Variants in DNAH17 observed in about 807,000 individuals in gnomAD.
DNAH17 encodes the protein axonemal beta dynein heavy chain 17.
Under a neutral mutation model 485.6 loss-of-function variants are expected in DNAH17, and 376 were observed. The observed-to-expected ratio is 0.77, with a 90% CI of 0.71 to 0.84. DNAH17 has a LOEUF of 0.84. Among genes scored for constraint, DNAH17 ranks in the 40% least tolerant of loss-of-function variants. DNAH17 has a pLI of 0.00. For synonymous variants in DNAH17, 3,031 were observed against 2,405.9 expected (o/e 1.26, Z -7.60); for missense variants, 6,370 against 5,839.3 (o/e 1.09, Z -2.96).
At chr17:78,544,035 G>C (rs780302484) in intron 16 of DNAH17, 38 bp from the exon 17 acceptor site, 2 of 1,612,858 alleles carry the variant, frequency 1.2e-6, no homozygotes, top group South Asian at 2.2e-5. Flanking sequence ...AGGTGTTCTG[G>C]AGAAACTGCT....
chr17:78,506,336 G>A (rs987899062), intron 30 of DNAH17, among the ~76,000 whole-genome samples: 3 of 151,852 alleles, frequency 2.0e-5, no homozygotes, highest in Non-Finnish European at 4.4e-5. Flanking sequence ...GCCCCAAGGA[G>A]GCACCTGTTC....
chr17:78,567,076 G>C lies in DNAH17; in HGVS notation c.1375C>G (p.Arg459Gly), dbSNP rs113434890. Residue 459 changes from arginine (R) to glycine (G), a missense_variant, in exon 10 of 81, where the codon CGT becomes GGT. Coordinates refer to ENST00000389840, the MANE Select transcript of DNAH17 (RefSeq NM_173628.4). ...AGCTCAAAGACCTCATCATAGATAC[G>C]GGTCACCAGGCTCCCGAGGAGGTTC... is the stretch of plus-strand genomic sequence containing the variant. ...RGNLLGSLVT[R>G]IYDEVFELVK... is the part of the protein sequence containing the mutation. The C allele has an allele frequency of 1.9e-6, 3 of 1,613,370 alleles. No individual in the cohort carries two copies. Among genetic ancestry groups the C allele is most frequent in the African/African-American group, 1.3e-5 (1 of 74,884 alleles).
chr17:78,510,725 A>C, intron 26 of DNAH17: 3 of 539,184 alleles, frequency 5.6e-6, no homozygotes, highest in Non-Finnish European at 9.7e-6. Flanking sequence ...TAAGAGCAGA[A>C]CGCACCTGCA....
chr17:78,448,925 T>C (rs1265962073), intron 69 of DNAH17, among the ~76,000 whole-genome samples: 2 of 152,230 alleles, frequency 1.3e-5, no homozygotes. Flanking sequence ...TACTCAGCCT[T>C]GGGTATTCTG....
intron 24 of DNAH17, among the ~76,000 whole-genome samples, chr17:78,525,703 G>A (rs916895052): frequency 3.3e-5 from 5 of 152,224 alleles, no homozygotes; most frequent in Non-Finnish European, 5.9e-5. Flanking sequence ...GGGACTGCCT[G>A]CTCTGGTCAC....
Position 78,426,553 on chromosome 17 carries a change from G to C in DNAH17, c.12819C>G (p.Leu4273=). Residue 4273 remains leucine, a synonymous_variant, in exon 79 of 81, where the codon CTC becomes CTG. Transcript: ENST00000389840. Reference sequence around the variant, plus strand: ...ACGTATCAGGCACGGTGTCATAGAAGAGAGCCGTGGACAGATCTTCCACGT... The same window carrying C: ...ACGTATCAGGCACGGTGTCATAGAACAGAGCCGTGGACAGATCTTCCACGT... ...TTDVEDLSTA[L]FYDTVPDTWV... is the part of the protein sequence containing the mutation. The C allele has an allele frequency of 6.2e-7, 1 of 1,613,732 alleles. No homozygotes were observed. Among genetic ancestry groups the C allele is most frequent in the Non-Finnish European group, 8.5e-7 (1 of 1,179,734 alleles).
intron 11 of DNAH17, among the ~76,000 whole-genome samples, chr17:78,566,138 G>C (rs2092262390): frequency 6.6e-6 from 1 of 152,080 alleles, no homozygotes; most frequent in Admixed American, 6.5e-5. Context: ...CCAGCCTCCA[G>C]AACTGAGAGA....
chr17:78,495,010 G>A lies in DNAH17; in HGVS notation c.5991C>T (p.Ala1997=), dbSNP rs762727738. ...AGGTGTACAGGGTGATGAACTTCCT[G>A]GCCAGAAGGCGGGCTTCCAGAAAGC... ...AEGFLEARLL[A]RKFITLYTLC... The change falls in exon 39 of 81, where the codon GCC becomes GCT. Residue 1997 remains alanine (A), a synonymous_variant. Coordinates refer to ENST00000389840, the MANE Select transcript of DNAH17 (RefSeq NM_173628.4). The A allele has an allele frequency of 6.2e-7, 1 of 1,613,006 alleles. No individual in the cohort carries two copies. Among genetic ancestry groups the A allele is most frequent in the Non-Finnish European group, 8.5e-7 (1 of 1,179,542 alleles).
At chr17:78,570,110 G>T (rs764849229) in intron 7 of DNAH17, 137 bp downstream of exon 7, 9 of 988,932 alleles carry the variant, frequency 9.1e-6, no homozygotes, top group African/African-American at 1.6e-5. Flanking sequence ...CTCAGCTCGG[G>T]GCCTGAAAAG....
At chr17:78,559,391 C>G (rs941032357) in intron 13 of DNAH17, among the ~76,000 whole-genome samples, 2 of 152,234 alleles carry the variant, frequency 1.3e-5, no homozygotes, top group Admixed American at 1.3e-4. Flanking sequence ...GCAATTCTAC[C>G]TGTCTACTCA....
chr17:78,510,703 T>C, intron 26 of DNAH17, 197 bp from the exon 27 acceptor site: 4 of 651,860 alleles, frequency 6.1e-6, no homozygotes, highest in East Asian at 2.9e-5. Flanking sequence ...CTTCCTTCCC[T>C]GTAAAACCGC....
intron 9 of DNAH17, among the ~76,000 whole-genome samples, chr17:78,567,851 T>A (rs1309881606): frequency 6.6e-6 from 1 of 152,146 alleles, no homozygotes; most frequent in African/African-American, 2.4e-5. Context: ...AGTTCCTGTT[T>A]CCCAAATGAG....
intron 64 of DNAH17, 53 bp downstream of exon 64, chr17:78,454,417 G>C (rs1987562829): frequency 6.9e-7 from 1 of 1,441,886 alleles, no homozygotes. Flanking sequence ...AATGCCTAAG[G>C]CGTGCTTCCA....
chr17:78,576,881 C>G (rs1193969042), intron 1 of DNAH17, among the ~76,000 whole-genome samples: 1 of 152,212 alleles, frequency 6.6e-6, no homozygotes, highest in Non-Finnish European at 1.5e-5. Context: ...CCCACCCAGC[C>G]GTTTCCTGGG....
At chr17:78,559,143 G>A (rs879503045) in intron 13 of DNAH17, among the ~76,000 whole-genome samples, 11 of 152,198 alleles carry the variant, frequency 7.2e-5, no homozygotes, top group East Asian at 1.9e-4. Context: ...TGTCATCTCC[G>A]CTGAATGAGG....
chr17:78,524,541 A>G (rs1183645237), intron 25 of DNAH17, among the ~76,000 whole-genome samples: 1 of 152,188 alleles, frequency 6.6e-6, no homozygotes, highest in Non-Finnish European at 1.5e-5. Flanking sequence ...TCTATGAGCC[A>G]CAAAGTGCGT....
intron 16 of DNAH17, 54 bp downstream of exon 16, chr17:78,551,481 A>T: frequency 6.4e-7 from 1 of 1,556,328 alleles, no homozygotes; most frequent in Non-Finnish European, 8.9e-7. Context: ...GGTTTGCCCC[A>T]GGGCAGCCCC....
intron 48 of DNAH17, among the ~76,000 whole-genome samples, chr17:78,483,539 A>G (rs925790811): frequency 6.6e-6 from 1 of 152,164 alleles, no homozygotes; most frequent in African/African-American, 2.4e-5. Flanking sequence ...CTGAGGCAGG[A>G]GAATCGCTGG....
chr17:78,561,614 G>A, intron 12 of DNAH17, 101 bp downstream of exon 12: 1 of 1,384,990 alleles, frequency 7.2e-7, no homozygotes, highest in Non-Finnish European at 9.5e-7. Flanking sequence ...TAACAGTCTG[G>A]TCGACAGGAG....
Sources: allele counts gnomAD v4.1 joint callset (sites outside exome capture counted in the v4.1 genomes callset), GRCh38; gene constraint gnomAD v4.1.1; transcripts MANE v1.5; gene names NCBI Gene and HGNC (gene_info 2026-07-23, HGNC 2026-07-21).